Variants in NRG1 observed in about 807,000 individuals in gnomAD.
The protein encoded by NRG1 is neuregulin 1.
A neutral mutation model predicts 63.8 loss-of-function variants in NRG1; 18 were observed. The observed-to-expected ratio is 0.28, with a 90% CI of 0.19 to 0.42. The LOEUF (loss-of-function observed/expected upper bound fraction) is 0.42, where lower values mean the gene tolerates loss of function less well. Among genes scored for constraint, NRG1 ranks in the 10% least tolerant of loss-of-function variants. The pLI, the probability that NRG1 is intolerant of heterozygous loss-of-function variation, is 1.00. For missense variants in NRG1, 762 were observed against 814.7 expected (o/e 0.94, Z 0.79); for synonymous variants, 302 against 301.3 (o/e 1.00, Z -0.02).
intron 5 of NRG1, among the ~76,000 whole-genome samples, chr8:32,683,142 G>A (rs7829383): frequency 0.67 from 101,855 of 152,060 alleles, 35,437 homozygotes; most frequent in African/African-American, 0.87. Context: ...TTGTTGTTAA[G>A]TGCAGACAAA....
At chr8:32,586,347 A>T (rs562322628) in intron 1 of NRG1, among the ~76,000 whole-genome samples, 64 of 152,188 alleles carry the variant, frequency 4.2e-4, no homozygotes, top group African/African-American at 1.5e-3. Context: ...AGGGCAAGGA[A>T]CTGTATAGAA....
intron 1 of NRG1, among the ~76,000 whole-genome samples, chr8:32,551,774 T>A (rs907557348): frequency 2.6e-5 from 4 of 152,150 alleles, no homozygotes; most frequent in African/African-American, 4.8e-5. Flanking sequence ...TCTTGGGTGC[T>A]GTATCACTGA....
intron 1 of NRG1, among the ~76,000 whole-genome samples, chr8:32,395,209 AATC>A (rs1459100774): frequency 6.6e-6 from 1 of 152,158 alleles, no homozygotes; most frequent in Non-Finnish European, 1.5e-5. Flanking sequence ...TATTAACAAT[AATC>A]ATAGTGAACA....
At chr8:32,204,616 T>G (rs1843831917) in intron 1 of NRG1, among the ~76,000 whole-genome samples, 1 of 152,206 alleles carries the variant, frequency 6.6e-6, no homozygotes, top group African/African-American at 2.4e-5. Context: ...GAAATAACAT[T>G]TGTGAAAATG....
intron 1 of NRG1, among the ~76,000 whole-genome samples, chr8:32,237,401 T>C (rs919509847): frequency 2.6e-5 from 4 of 152,162 alleles, no homozygotes; most frequent in African/African-American, 9.7e-5. Flanking sequence ...GAATTGCTTT[T>C]TTTTTCTGGG....
intron 1 of NRG1, among the ~76,000 whole-genome samples, chr8:32,529,573 ATATTCT>A (rs1232017302): frequency 6.6e-6 from 1 of 152,148 alleles, no homozygotes; most frequent in Non-Finnish European, 1.5e-5. Flanking sequence ...TTCTTTCTTC[ATATTCT>A]TATTCTATAA....
intron 1 of NRG1, among the ~76,000 whole-genome samples, chr8:31,956,496 C>G (rs1204442415): frequency 6.6e-6 from 1 of 151,904 alleles, no homozygotes; most frequent in Non-Finnish European, 1.5e-5. Flanking sequence ...GGCGGGTGCC[C>G]CCCTGTAGTC....
At chr8:32,202,304 C>T (rs551562152) in intron 1 of NRG1, among the ~76,000 whole-genome samples, 2 of 152,110 alleles carry the variant, frequency 1.3e-5, no homozygotes, top group East Asian at 3.9e-4. Context: ...CCCTGACTCC[C>T]TTCACAGGAC....
At chr8:31,906,544 A>G (rs1159266586) in intron 1 of NRG1, among the ~76,000 whole-genome samples, 1 of 152,156 alleles carries the variant, frequency 6.6e-6, no homozygotes, top group Non-Finnish European at 1.5e-5. Flanking sequence ...TAGATTTACA[A>G]TATCCCAGTA....
Position 32,038,072 on chromosome 8 carries a change from C to G in NRG1, c.37+398641C>G, listed in dbSNP as rs144978098. Among the ~76,000 whole-genome samples the G allele has an allele frequency of 2.7e-3, 413 of 152,346 alleles. 3 individuals are homozygous for G. Among genetic ancestry groups the G allele is most frequent in the African/African-American group, 9.4e-3 (393 of 41,594 alleles). ...AGTGTCTGCCCAAGTGGTCGCCCAC[C>G]TGAGCAGCCGCTGTGAGCCTGCACA... On this transcript the variant is annotated intron_variant, in intron 1 of 10. Coordinates refer to the NRG1 transcript ENST00000519301.
intron 1 of NRG1, among the ~76,000 whole-genome samples, chr8:32,182,706 T>A (rs1338674196): frequency 6.6e-6 from 1 of 152,178 alleles, no homozygotes; most frequent in African/African-American, 2.4e-5. Flanking sequence ...ATTACAAAAT[T>A]CTTCTAATTA....
At chr8:31,696,536 C>T (rs1431298651) in intron 1 of NRG1, among the ~76,000 whole-genome samples, 1 of 152,184 alleles carries the variant, frequency 6.6e-6, no homozygotes, top group Non-Finnish European at 1.5e-5. Flanking sequence ...TCAGACCTTA[C>T]ACAGTACCTG....
intron 1 of NRG1, among the ~76,000 whole-genome samples, chr8:31,843,562 C>T (rs1002271013): frequency 3.3e-5 from 5 of 152,140 alleles, no homozygotes; most frequent in Non-Finnish European, 7.3e-5. Flanking sequence ...GCTGCTTAAT[C>T]CACCCTCTGT....
chr8:32,728,682 G>A (rs1486783186), intron 6 of NRG1: 1 of 982,662 alleles, frequency 1.0e-6, no homozygotes, highest in African/African-American at 1.7e-5. Context: ...CCCTGTGGGT[G>A]ACAGCAGTGT....
intron 1 of NRG1, among the ~76,000 whole-genome samples, chr8:31,978,447 T>C (rs1808549136): frequency 6.6e-6 from 1 of 152,118 alleles, no homozygotes; most frequent in Admixed American, 6.6e-5. Context: ...CCCTGAAAAC[T>C]TGTTATTTTC....
At chr8:32,538,811 A>C (rs930838764) in intron 1 of NRG1, among the ~76,000 whole-genome samples, 7 of 152,204 alleles carry the variant, frequency 4.6e-5, no homozygotes, top group Non-Finnish European at 7.3e-5. Flanking sequence ...AGAAGATAAA[A>C]AGATGATTCC....
chr8:32,411,776 T>A (rs10954840), intron 1 of NRG1, among the ~76,000 whole-genome samples: 147,559 of 152,316 alleles, frequency 0.97, 71,650 homozygotes, highest in East Asian at 1. Context: ...AATGTGTCCC[T>A]TGTGTAAAAT....
Position 31,834,296 on chromosome 8 carries a change from C to CGCACATGCGT in NRG1, c.37+194867_37+194868insACATGCGTGC, listed in dbSNP as rs1251206858. Among the ~76,000 whole-genome samples the CGCACATGCGT allele has an allele frequency of 6.3e-4, 64 of 101,634 alleles. 1 individual carries two copies. The East Asian group carries it at 0.016, about 25-fold the overall frequency. The allele number at this position is 101,634 out of a possible 152,430, so 66.7% of individuals were successfully genotyped here. On this transcript the variant is annotated intron_variant, in intron 1 of 10. Transcript: ENST00000519301. The stretch of plus-strand genomic sequence containing the variant: ...AAGTAGATCTCCCTTCATGCGTGTG[C>CGCACATGCGT]GCGCACGCGCGCACACACACACACA...
chr8:32,483,773 TC>T (rs1825579974), intron 1 of NRG1, among the ~76,000 whole-genome samples: 1 of 152,146 alleles, frequency 6.6e-6, no homozygotes, highest in South Asian at 2.1e-4. Context: ...TTTCACAGTT[TC>T]CATCACTGCC....
Sources: allele counts gnomAD v4.1 joint callset (sites outside exome capture counted in the v4.1 genomes callset), GRCh38; gene constraint gnomAD v4.1.1; transcripts MANE v1.5; gene names NCBI Gene and HGNC (gene_info 2026-07-23, HGNC 2026-07-21).